Variants in PAK5 observed in about 807,000 individuals in gnomAD.
PAK5 encodes the protein serine/threonine-protein kinase PAK 5.
PAK5 carries 16 observed loss-of-function variants against 65.9 expected under a neutral mutation model. That is an observed-to-expected ratio of 0.24 (90% CI 0.16 to 0.37). The LOEUF (loss-of-function observed/expected upper bound fraction) is 0.37. Among genes scored for constraint, PAK5 ranks in the 10% least tolerant of loss-of-function variants. The pLI, the probability that PAK5 is intolerant of heterozygous loss-of-function variation, is 1.00. For missense variants in PAK5, 785 were observed against 903.9 expected, an observed-to-expected ratio of 0.87 and a Z score of 1.69; for synonymous variants, 371 against 354.9, an observed-to-expected ratio of 1.05 and a Z score of -0.51.
At chr20:9,559,607 C>CA (rs1415903977) in intron 6 of PAK5, among the ~76,000 whole-genome samples, 1 of 152,026 alleles carries the variant, frequency 6.6e-6, no homozygotes, top group Non-Finnish European at 1.5e-5. Context: ...ACTAAATATA[C>CA]AAAAAATTAG....
At chr20:9,747,303 GA>G (rs1456552305) in intron 1 of PAK5, among the ~76,000 whole-genome samples, 1 of 152,036 alleles carries the variant, frequency 6.6e-6, no homozygotes, top group African/African-American at 2.4e-5. Flanking sequence ...CCAGTCAATA[GA>G]AAAAGAGGGA....
At chr20:9,737,955 A>G (rs1171917918) in intron 1 of PAK5, among the ~76,000 whole-genome samples, 1 of 152,180 alleles carries the variant, frequency 6.6e-6, no homozygotes, top group Non-Finnish European at 1.5e-5. Context: ...ACCCTGGCCA[A>G]CATGGTGAAA....
intron 1 of PAK5, among the ~76,000 whole-genome samples, chr20:9,750,273 C>A (rs13045381): frequency 0.19 from 29,491 of 151,942 alleles, 2,893 homozygotes; most frequent in Middle Eastern, 0.28. Flanking sequence ...CTATTTAACA[C>A]AACTCTGCTT....
intron 1 of PAK5, among the ~76,000 whole-genome samples, chr20:9,736,191 G>A (rs945546219): frequency 1.1e-4 from 16 of 151,978 alleles, no homozygotes; most frequent in African/African-American, 3.6e-4. Context: ...ATGAGCAACT[G>A]CGCCAGGCCA....
intron 1 of PAK5, among the ~76,000 whole-genome samples, chr20:9,715,267 T>A (rs1245632139): frequency 1.3e-5 from 2 of 152,132 alleles, no homozygotes; most frequent in Non-Finnish European, 2.9e-5. Flanking sequence ...AAAGAAGACA[T>A]TTATGCAGCC....
intron 1 of PAK5, among the ~76,000 whole-genome samples, chr20:9,833,590 C>T (rs1405898046): frequency 6.6e-6 from 1 of 151,948 alleles, no homozygotes; most frequent in Non-Finnish European, 1.5e-5. Context: ...CATCTTACCA[C>T]CACCACTCAC....
intron 3 of PAK5, among the ~76,000 whole-genome samples, chr20:9,617,549 CTTTTTTT>C (rs532259417): frequency 2.0e-4 from 19 of 94,612 alleles, no homozygotes; most frequent in East Asian, 7.4e-4. Flanking sequence ...AATCCCAATC[CTTTTTTT>C]TTTTTTTTTT....
In PAK5 at chr20:9,612,753, C is replaced by T. The variant is rs1456691777; in HGVS notation, c.204+31372G>A. 5.3e-5 allele frequency among the ~76,000 whole-genome samples: 8 copies of T among 152,156 alleles called. No homozygotes were observed. The South Asian group carries it at 6.2e-4, about 12-fold the overall frequency. ...CATATCACCCAGCTACCCCCAGAGG[C>T]GCTCCCTCAACCCATTCTCATCTTT... is the stretch of plus-strand genomic sequence containing the variant. On this transcript the variant is annotated intron_variant, in intron 3 of 9. Coordinates refer to ENST00000353224, the MANE Select transcript of PAK5 (RefSeq NM_177990.4).
chr20:9,728,025 TC>T (rs111765037), intron 1 of PAK5, among the ~76,000 whole-genome samples: 10,556 of 151,976 alleles, frequency 0.069, 405 homozygotes, highest in Middle Eastern at 0.11. Context: ...AGTGTATGTG[TC>T]CCCCCAAAAA....
chr20:9,612,118 A>G (rs1476923948), intron 3 of PAK5, among the ~76,000 whole-genome samples: 1 of 152,090 alleles, frequency 6.6e-6, no homozygotes, highest in Non-Finnish European at 1.5e-5. Context: ...TACTGATTAG[A>G]CACTGAAACA....
chr20:9,608,135 T>C (rs2046489270), intron 3 of PAK5, among the ~76,000 whole-genome samples: 2 of 152,152 alleles, frequency 1.3e-5, no homozygotes, highest in South Asian at 4.1e-4. Flanking sequence ...TCTGCCCTTA[T>C]TGACCTAATC....
chr20:9,544,521 T>C (rs202113775), intron 7 of PAK5, 27 bp from the exon 8 acceptor site: 1 of 1,609,280 alleles, frequency 6.2e-7, no homozygotes, highest in Non-Finnish European at 8.5e-7. Context: ...TGCAACAAAC[T>C]AGCAATTTTA....
intron 1 of PAK5, among the ~76,000 whole-genome samples, chr20:9,831,934 T>C (rs1978749844): frequency 6.6e-6 from 1 of 152,254 alleles, no homozygotes; most frequent in African/African-American, 2.4e-5. Flanking sequence ...GATGTTTTCA[T>C]TTCACAAAAC....
intron 2 of PAK5, among the ~76,000 whole-genome samples, chr20:9,645,076 C>T (rs1228515592): frequency 1.3e-5 from 2 of 152,132 alleles, no homozygotes; most frequent in Non-Finnish European, 2.9e-5. Context: ...CTTGGAAAAA[C>T]ATCTGTCACA....
intron 5 of PAK5, among the ~76,000 whole-genome samples, chr20:9,565,543 G>T (rs1394266655): frequency 6.6e-6 from 1 of 152,174 alleles, no homozygotes; most frequent in Admixed American, 6.5e-5. Context: ...CAGAGATTCA[G>T]ATCCTAGCTC....
intron 2 of PAK5, among the ~76,000 whole-genome samples, chr20:9,666,577 C>T (rs921217921): frequency 2.2e-4 from 34 of 152,184 alleles, no homozygotes; most frequent in African/African-American, 7.9e-4. Context: ...TCAATGATAC[C>T]CATTTCCTTG....
At chr20:9,831,656 C>A (rs371264451) in intron 1 of PAK5, among the ~76,000 whole-genome samples, 1 of 152,104 alleles carries the variant, frequency 6.6e-6, no homozygotes, top group African/African-American at 2.4e-5. Context: ...CAGAGGCGTG[C>A]GCCACCACGC....
chr20:9,805,346 C>T (rs117266998), intron 1 of PAK5, among the ~76,000 whole-genome samples: 27 of 152,232 alleles, frequency 1.8e-4, no homozygotes, highest in East Asian at 1.2e-3. Flanking sequence ...AACTACCTTA[C>T]GACATAGCAA....
At chr20:9,581,769 C>T (rs532487443) in intron 3 of PAK5, among the ~76,000 whole-genome samples, 6 of 152,168 alleles carry the variant, frequency 3.9e-5, no homozygotes, top group Admixed American at 2.6e-4. Flanking sequence ...GCCCGTCAGC[C>T]GTGCCTTGAC....
Sources: allele counts gnomAD v4.1 joint callset (sites outside exome capture counted in the v4.1 genomes callset), GRCh38; gene constraint gnomAD v4.1.1; transcripts MANE v1.5; gene names NCBI Gene and HGNC (gene_info 2026-07-23, HGNC 2026-07-21).